CSMD1: variants seen among roughly 807,000 people sequenced by gnomAD.
The protein encoded by CSMD1 is CUB and Sushi multiple domains 1, also known as CUB and sushi domain-containing protein 1.
In CSMD1, 213 loss-of-function variants were observed where a neutral mutation model predicts 417.5. That is an observed-to-expected ratio of 0.51 (90% CI 0.46 to 0.57). The LOEUF (loss-of-function observed/expected upper bound fraction) is 0.57. CSMD1 is among the 20% of genes least tolerant of loss of function. CSMD1 has a pLI of 0.00. For missense variants in CSMD1, 6,923 were observed against 4,529.7 expected (o/e 1.53, Z -15.17); for synonymous variants, 2,862 against 1,736.8 (o/e 1.65, Z -16.11).
intron 18 of CSMD1, among the ~76,000 whole-genome samples, chr8:3,386,322 C>A (rs1175686577): frequency 1.3e-5 from 2 of 152,172 alleles, no homozygotes; most frequent in African/African-American, 4.8e-5. Flanking sequence ...TCGTGTGGCC[C>A]CACAGACGCC....
At chr8:4,453,204 G>A (rs5000534) in intron 2 of CSMD1, among the ~76,000 whole-genome samples, 17,475 of 129,378 alleles carry the variant, frequency 0.14, 1,180 homozygotes, top group South Asian at 0.25. Context: ...CACCCACACA[G>A]ACACACACAG....
At chr8:4,696,236 G>C (rs113804671) in intron 1 of CSMD1, among the ~76,000 whole-genome samples, 83 of 152,318 alleles carry the variant, frequency 5.4e-4, no homozygotes, top group South Asian at 1.2e-3. Flanking sequence ...TGACAGATAT[G>C]ATAGATACAC....
At chr8:3,393,290 A>C (rs528866059) in intron 17 of CSMD1, among the ~76,000 whole-genome samples, 142 of 152,306 alleles carry the variant, frequency 9.3e-4, no homozygotes, top group African/African-American at 3.1e-3. Flanking sequence ...TTCACTCACT[A>C]GGTGAGGCCT....
chr8:3,868,160 T>C (rs538184408), intron 5 of CSMD1, among the ~76,000 whole-genome samples: 1 of 152,098 alleles, frequency 6.6e-6, no homozygotes, highest in South Asian at 2.1e-4. Flanking sequence ...CTAATTCCAC[T>C]CCACTCTGCT....
At chr8:4,165,170 C>G (rs748504012) in intron 3 of CSMD1, among the ~76,000 whole-genome samples, 1 of 152,070 alleles carries the variant, frequency 6.6e-6, no homozygotes, top group East Asian at 1.9e-4. Flanking sequence ...AATATGATAC[C>G]TACGCCTAGC....
intron 1 of CSMD1, among the ~76,000 whole-genome samples, chr8:4,734,105 G>T (rs182880255): frequency 2.0e-5 from 3 of 152,204 alleles, no homozygotes; most frequent in Non-Finnish European, 4.4e-5. Context: ...AACATCAAAA[G>T]AGTTTATTTT....
intron 3 of CSMD1, among the ~76,000 whole-genome samples, chr8:4,178,269 G>C (rs942942951): frequency 1.3e-5 from 2 of 151,940 alleles, no homozygotes; most frequent in Non-Finnish European, 2.9e-5. Context: ...TGCAAGGCTG[G>C]TTCAATATAC....
chr8:4,658,516 T>C (rs771702390), intron 1 of CSMD1, among the ~76,000 whole-genome samples: 1 of 152,170 alleles, frequency 6.6e-6, no homozygotes, highest in Non-Finnish European at 1.5e-5. Flanking sequence ...CTATTCTACA[T>C]TCAGCAAACT....
At chr8:3,698,735 G>A (rs1221326495) in intron 7 of CSMD1, among the ~76,000 whole-genome samples, 1 of 152,160 alleles carries the variant, frequency 6.6e-6, no homozygotes, top group East Asian at 1.9e-4. Flanking sequence ...TGAGTAAAGA[G>A]GATCATGTTC....
At chr8:4,791,512 AT>A (rs775633697) in intron 1 of CSMD1, among the ~76,000 whole-genome samples, 1 of 152,190 alleles carries the variant, frequency 6.6e-6, no homozygotes, top group Non-Finnish European at 1.5e-5. Context: ...AAACAATCCA[AT>A]CCCCTAAAGT....
intron 49 of CSMD1, among the ~76,000 whole-genome samples, chr8:3,067,407 T>G (rs973257096): frequency 1.3e-5 from 2 of 152,118 alleles, no homozygotes; most frequent in African/African-American, 4.8e-5. Flanking sequence ...CTCATGCTTC[T>G]TTCAAGTTGG....
chr8:4,535,392 T>C (rs1797053026), intron 2 of CSMD1, among the ~76,000 whole-genome samples: 1 of 152,186 alleles, frequency 6.6e-6, no homozygotes, highest in Admixed American at 6.5e-5. Context: ...TTTTGTAGCG[T>C]CTTCCAAGGA....
In CSMD1 at chr8:4,076,733, C is replaced by T. The variant is rs181089933; in HGVS notation, c.416-44634G>A. Among the ~76,000 whole-genome samples the T allele has an allele frequency of 4.9e-4, 74 of 152,286 alleles. 1 individual carries two copies. Among genetic ancestry groups the T allele is most frequent in the Admixed American group, 4.1e-3 (63 of 15,294 alleles). ...TGCTACTCATCTCTGGCTCTCCAAG[C>T]CCTGACCCACCCTGGGGAATGACCT... On this transcript the variant is annotated intron_variant, in intron 3 of 69. Transcript: ENST00000635120.
At chr8:3,065,680 T>C (rs902897047) in intron 49 of CSMD1, among the ~76,000 whole-genome samples, 5 of 152,152 alleles carry the variant, frequency 3.3e-5, no homozygotes, top group Non-Finnish European at 5.9e-5. Flanking sequence ...GCTAGGTTGA[T>C]TGGCAGGAAG....
At chr8:3,895,784 T>C (rs981929702) in intron 5 of CSMD1, among the ~76,000 whole-genome samples, 1 of 152,206 alleles carries the variant, frequency 6.6e-6, no homozygotes, top group African/African-American at 2.4e-5. Context: ...CCTACGGTCA[T>C]AACTCTTCAC....
intron 23 of CSMD1, among the ~76,000 whole-genome samples, chr8:3,315,309 T>A (rs543247971): frequency 2.0e-5 from 3 of 152,284 alleles, no homozygotes; most frequent in Non-Finnish European, 2.9e-5. Context: ...TTTTTATAGT[T>A]CACTTGAGAA....
At chr8:2,975,051 A>G (rs573169374) in intron 55 of CSMD1, among the ~76,000 whole-genome samples, 2 of 152,352 alleles carry the variant, frequency 1.3e-5, no homozygotes, top group African/African-American at 2.4e-5. Context: ...GCTTGCGGAC[A>G]TGATTCTGTC....
At chr8:4,927,177 G>C (rs1005143679) in intron 1 of CSMD1, among the ~76,000 whole-genome samples, 4 of 151,048 alleles carry the variant, frequency 2.6e-5, no homozygotes, top group Admixed American at 2.0e-4. Context: ...CACAATCTCA[G>C]CTCAGGGCAA....
intron 2 of CSMD1, among the ~76,000 whole-genome samples, chr8:4,456,098 T>C (rs1201424207): frequency 1.4e-5 from 2 of 145,450 alleles, no homozygotes; most frequent in Non-Finnish European, 1.5e-5. Flanking sequence ...AAGTACGTAC[T>C]GCACACTTAA....
Sources: allele counts gnomAD v4.1 joint callset (sites outside exome capture counted in the v4.1 genomes callset), GRCh38; gene constraint gnomAD v4.1.1; transcripts MANE v1.5; gene names NCBI Gene and HGNC (gene_info 2026-07-23, HGNC 2026-07-21).